Variants in KLHL29 observed in about 807,000 individuals in gnomAD.
KLHL29 encodes the protein kelch-like protein 29.
KLHL29 carries 21 observed loss-of-function variants against 80.4 expected under a neutral mutation model. That is an observed-to-expected ratio of 0.26 (90% CI 0.19 to 0.38). The LOEUF is 0.38. Ranked by LOEUF, KLHL29 falls within the 10% of genes least tolerant of loss-of-function variation. The probability of loss-of-function intolerance (pLI) is 1.00; values close to 1 mark genes in which losing one functional copy is unlikely to be tolerated. For missense variants in KLHL29, 867 were observed against 1,223.9 expected (o/e 0.71, Z 4.35); for synonymous variants, 511 against 526.8 (o/e 0.97, Z 0.41).
At chr2:23,583,513 C>G (rs1668038237) in intron 3 of KLHL29, among the ~76,000 whole-genome samples, 1 of 152,174 alleles carries the variant, frequency 6.6e-6, no homozygotes, top group Non-Finnish European at 1.5e-5. Context: ...GGAAAAGTTT[C>G]AAAGGGCGAT....
chr2:23,654,251 G>A (rs916450683), intron 5 of KLHL29, among the ~76,000 whole-genome samples: 5 of 152,124 alleles, frequency 3.3e-5, no homozygotes, highest in Middle Eastern at 3.4e-3. Context: ...TTCTCCAGTG[G>A]AGTCCAGAGC....
intron 2 of KLHL29, among the ~76,000 whole-genome samples, chr2:23,487,137 G>A (rs1664954963): frequency 6.6e-6 from 1 of 151,822 alleles, no homozygotes; most frequent in Non-Finnish European, 1.5e-5. Context: ...CCTCGTGCGA[G>A]CAGCTGTACC....
chr2:23,489,405 C>G (rs1665032013), intron 2 of KLHL29, among the ~76,000 whole-genome samples: 1 of 152,088 alleles, frequency 6.6e-6, no homozygotes, highest in Non-Finnish European at 1.5e-5. Context: ...GCAGGCTTTT[C>G]TTCTATCTGA....
rs553231620 is a variant in KLHL29, at chr2:23,555,777, G to A, written c.-45-6375G>A. Among the ~76,000 whole-genome samples, 13 of 152,276 alleles carry A rather than the reference G, an allele frequency of 8.5e-5. 1 individual carries two copies. Among genetic ancestry groups the A allele is most frequent in the South Asian group, 4.1e-4 (2 of 4,822 alleles). On this transcript the variant is annotated intron_variant, in intron 2 of 13. Coordinates refer to ENST00000486442, the MANE Select transcript of KLHL29 (RefSeq NM_052920.2). ...AGGGAAAGACCTTTCTGGCAGGGCC[G>A]GGGATGCTGTTGGGCACACCCCAGC...
chr2:23,542,239 C>T (rs574398483), intron 2 of KLHL29, among the ~76,000 whole-genome samples: 4 of 152,290 alleles, frequency 2.6e-5, no homozygotes, highest in South Asian at 4.1e-4. Context: ...GCATCTTTTT[C>T]GGTACATGTA....
intron 1 of KLHL29, among the ~76,000 whole-genome samples, chr2:23,427,417 A>G (rs1412902114): frequency 6.6e-6 from 1 of 152,210 alleles, no homozygotes; most frequent in Non-Finnish European, 1.5e-5. Context: ...GTCCTGATGA[A>G]AAATTGATAT....
chr2:23,480,779 A>G (rs1227145875), intron 2 of KLHL29, among the ~76,000 whole-genome samples: 1 of 152,142 alleles, frequency 6.6e-6, no homozygotes, highest in Non-Finnish European at 1.5e-5. Context: ...ATGTTGTACT[A>G]TGTTCATCTT....
intron 3 of KLHL29, among the ~76,000 whole-genome samples, chr2:23,601,169 C>T (rs1412142013): frequency 6.6e-6 from 1 of 152,150 alleles, no homozygotes; most frequent in South Asian, 2.1e-4. Context: ...TGAACACTCA[C>T]GCTCCAAGAC....
intron 2 of KLHL29, among the ~76,000 whole-genome samples, chr2:23,498,342 G>A (rs768846054): frequency 7.9e-5 from 12 of 151,718 alleles, no homozygotes; most frequent in Non-Finnish European, 1.8e-4. Flanking sequence ...CTCTACCTTG[G>A]CCTCCATACC....
At chr2:23,671,722 C>A (rs1181327602) in intron 5 of KLHL29, among the ~76,000 whole-genome samples, 2 of 152,174 alleles carry the variant, frequency 1.3e-5, no homozygotes, top group Admixed American at 6.5e-5. Context: ...GCCAGCCAGC[C>A]GGGGCCTCCG....
chr2:23,533,736 A>C (rs1666575402), intron 2 of KLHL29, among the ~76,000 whole-genome samples: 1 of 152,206 alleles, frequency 6.6e-6, no homozygotes, highest in Non-Finnish European at 1.5e-5. Flanking sequence ...CAATGAAGAG[A>C]ACAGAATTTC....
At chr2:23,657,576 C>A (rs944388312) in intron 5 of KLHL29, among the ~76,000 whole-genome samples, 4 of 152,216 alleles carry the variant, frequency 2.6e-5, no homozygotes, top group African/African-American at 4.8e-5. Flanking sequence ...CCCATTCGGG[C>A]AAATTACTCT....
At chr2:23,402,150 G>A (rs558936645) in intron 1 of KLHL29, among the ~76,000 whole-genome samples, 38 of 152,288 alleles carry the variant, frequency 2.5e-4, no homozygotes, top group African/African-American at 8.2e-4. Flanking sequence ...ATCGAGGACC[G>A]GCAGGAGGAG....
intron 2 of KLHL29, among the ~76,000 whole-genome samples, chr2:23,527,762 C>T (rs1170401621): frequency 1.3e-5 from 2 of 152,234 alleles, no homozygotes; most frequent in East Asian, 1.9e-4. Flanking sequence ...GGTTAGCTTA[C>T]ACCCCAAGCC....
chr2:23,549,275 C>T (rs1242578987), intron 2 of KLHL29, among the ~76,000 whole-genome samples: 4 of 152,166 alleles, frequency 2.6e-5, no homozygotes, highest in Admixed American at 6.5e-5. Flanking sequence ...AGTATCCCTG[C>T]TTGGTTAATC....
intron 2 of KLHL29, among the ~76,000 whole-genome samples, chr2:23,548,423 C>A (rs1484750886): frequency 6.6e-6 from 1 of 152,144 alleles, no homozygotes; most frequent in Non-Finnish European, 1.5e-5. Flanking sequence ...CTGTCTTTTC[C>A]CCAAAACCAT....
intron 1 of KLHL29, among the ~76,000 whole-genome samples, chr2:23,423,084 G>T (rs1274806014): frequency 6.6e-6 from 1 of 151,780 alleles, no homozygotes; most frequent in Non-Finnish European, 1.5e-5. Context: ...AGCCGTGGCG[G>T]GGAGCCGCAG....
At chr2:23,533,919 T>A (rs192077237) in intron 2 of KLHL29, among the ~76,000 whole-genome samples, 1 of 149,072 alleles carries the variant, frequency 6.7e-6, no homozygotes, top group South Asian at 2.2e-4. Context: ...CATGAGACTT[T>A]CCTATGGTGT....
chr2:23,666,831 G>A (rs1280753502), intron 5 of KLHL29, among the ~76,000 whole-genome samples: 1 of 152,220 alleles, frequency 6.6e-6, no homozygotes, highest in African/African-American at 2.4e-5. Flanking sequence ...ACCCTCTGTG[G>A]TCACAGCTGT....
Sources: allele counts gnomAD v4.1 joint callset (sites outside exome capture counted in the v4.1 genomes callset), GRCh38; gene constraint gnomAD v4.1.1; transcripts MANE v1.5; gene names NCBI Gene and HGNC (gene_info 2026-07-23, HGNC 2026-07-21).